KCNN2: variants seen among roughly 807,000 people sequenced by gnomAD.
KCNN2 encodes small conductance calcium-activated potassium channel protein 2.
A neutral mutation model predicts 55.5 loss-of-function variants in KCNN2; 24 were observed. That is an observed-to-expected ratio of 0.43 (90% CI 0.31 to 0.61). The LOEUF (loss-of-function observed/expected upper bound fraction) is 0.61. Ranked by LOEUF, KCNN2 falls within the 20% of genes least tolerant of loss-of-function variation. The pLI, the probability that KCNN2 is intolerant of heterozygous loss-of-function variation, is 0.08. For synonymous variants in KCNN2, 431 were observed against 336.1 expected (o/e 1.28, Z -3.09); for missense variants, 754 against 853.6 (o/e 0.88, Z 1.45).
chr5:114,380,165 A>G (rs1203000530), intron 2 of KCNN2, among the ~76,000 whole-genome samples: 1 of 152,156 alleles, frequency 6.6e-6, no homozygotes, highest in Non-Finnish European at 1.5e-5. Context: ...TCAATAAACA[A>G]CATGCAGCCT....
intron 3 of KCNN2, among the ~76,000 whole-genome samples, chr5:114,455,145 CTT>C (rs1354122083): frequency 6.6e-6 from 1 of 152,106 alleles, no homozygotes; most frequent in African/African-American, 2.4e-5. Context: ...TTGTGCTTCA[CTT>C]TATTGTGTTT....
intron 1 of KCNN2, among the ~76,000 whole-genome samples, chr5:114,153,668 C>T (rs1029200395): frequency 1.1e-4 from 16 of 152,188 alleles, no homozygotes; most frequent in Non-Finnish European, 1.8e-4. Flanking sequence ...TAGTAAGCAG[C>T]CATCCTTATC....
intron 2 of KCNN2, among the ~76,000 whole-genome samples, chr5:114,291,747 AT>A (rs1755893963): frequency 1.3e-5 from 2 of 152,184 alleles, no homozygotes; most frequent in Admixed American, 1.3e-4. Context: ...CTAGTTCTAG[AT>A]CCCTGAGGAA....
In KCNN2 at chr5:114,329,220, C is replaced by T. The variant is rs76972610; in HGVS notation, c.-184-31725C>T. 2.7e-3 allele frequency among the ~76,000 whole-genome samples: 409 copies of T among 152,258 alleles called. 1 individual carries two copies. The highest frequency in any genetic ancestry group is 3.6e-3 in the Non-Finnish European group (246 of 68,036). ...GCTCCCAGCCCCTTGCCAAGTCCAGCGTGATGGTTAATATTGAGTGTCAAC... is the reference window on the plus strand; with the variant it reads ...GCTCCCAGCCCCTTGCCAAGTCCAGTGTGATGGTTAATATTGAGTGTCAAC... On this transcript the variant is annotated intron_variant, in intron 2 of 10. Coordinates refer to the KCNN2 transcript ENST00000512097.
chr5:114,244,177 C>T (rs4505939), intron 2 of KCNN2, among the ~76,000 whole-genome samples: 121,903 of 152,098 alleles, frequency 0.8, 49,141 homozygotes, highest in East Asian at 0.89. Context: ...AATTCTAGAA[C>T]TTTCTGAAAA....
chr5:114,304,044 A>G (rs951670331), intron 2 of KCNN2, among the ~76,000 whole-genome samples: 2 of 152,196 alleles, frequency 1.3e-5, no homozygotes, highest in African/African-American at 2.4e-5. Flanking sequence ...TATTTTGAAT[A>G]AAATTACTTA....
intron 6 of KCNN2, among the ~76,000 whole-genome samples, chr5:114,491,387 G>T (rs1474830675): frequency 2.0e-5 from 3 of 151,826 alleles, no homozygotes; most frequent in Admixed American, 1.3e-4. Flanking sequence ...TTATACAAAT[G>T]GATTAAAAAA....
intron 2 of KCNN2, among the ~76,000 whole-genome samples, chr5:114,372,393 C>G (rs961701334): frequency 1.3e-5 from 2 of 152,090 alleles, no homozygotes; most frequent in African/African-American, 4.8e-5. Context: ...TCACATTTCT[C>G]TAGTTTGTGT....
chr5:114,056,203 G>C, exon 1 of KCNN2: 1 of 394,286 alleles, frequency 2.5e-6, no homozygotes, highest in Admixed American at 4.4e-5. Flanking sequence ...GGCCTGGCTC[G>C]CCCGCGCCCG....
intron 2 of KCNN2, among the ~76,000 whole-genome samples, chr5:114,391,173 T>TCTAGATCTGTCTTTC: frequency 6.6e-6 from 1 of 152,128 alleles, no homozygotes. Flanking sequence ...CTGACATTGC[T>TCTAGATCTGTCTTTC]CTAGATCTGT....
intron 2 of KCNN2, among the ~76,000 whole-genome samples, chr5:114,227,533 T>C (rs13186908): frequency 0.39 from 59,673 of 152,010 alleles, 12,312 homozygotes; most frequent in Middle Eastern, 0.53. Flanking sequence ...ATAAATTCCT[T>C]GAAGACAGAG....
chr5:114,491,448 T>C (rs948464850), intron 6 of KCNN2, among the ~76,000 whole-genome samples: 1 of 149,030 alleles, frequency 6.7e-6, no homozygotes, highest in Non-Finnish European at 1.5e-5. Flanking sequence ...GAAACACCGA[T>C]ATTGAATTCT....
At chr5:114,442,594 A>G (rs1407302277) in intron 3 of KCNN2, among the ~76,000 whole-genome samples, 1 of 152,114 alleles carries the variant, frequency 6.6e-6, no homozygotes, top group Non-Finnish European at 1.5e-5. Context: ...ATCTCTATGA[A>G]TACCTCCTTT....
intron 2 of KCNN2, among the ~76,000 whole-genome samples, chr5:114,226,762 A>T (rs1202031734): frequency 3.9e-5 from 6 of 151,964 alleles, no homozygotes. Context: ...TCAACCGGGC[A>T]TGGTGGCGGG....
intron 1 of KCNN2, among the ~76,000 whole-genome samples, chr5:114,161,764 G>A (rs535613808): frequency 5.9e-5 from 9 of 151,878 alleles, no homozygotes; most frequent in South Asian, 4.2e-4. Context: ...GTCTTCCATC[G>A]CCTATACCCT....
intron 4 of KCNN2, among the ~76,000 whole-genome samples, chr5:114,467,400 A>G (rs1346375452): frequency 1.3e-5 from 2 of 152,206 alleles, no homozygotes; most frequent in African/African-American, 4.8e-5. Context: ...AGAATGTGCA[A>G]AACACTCAAG....
At chr5:114,369,717 C>A (rs1260464536) in intron 2 of KCNN2, among the ~76,000 whole-genome samples, 1 of 152,094 alleles carries the variant, frequency 6.6e-6, no homozygotes. Context: ...TAATTTTCTC[C>A]GCCTGCTTGT....
At position 114,472,467 on chromosome 5, in the gene KCNN2, C is replaced by T. The variant is rs567142833; in HGVS notation, c.1780-587C>T. Among the ~76,000 whole-genome samples the T allele has an allele frequency of 6.6e-5, 10 of 152,232 alleles. No individual in the cohort carries two copies. In the South Asian group the frequency reaches 2.1e-3, roughly 32 times the overall value. ...AAATGGTATAATGGTTACCCCTTAC[C>T]TTCAGTACTTCATCTATCTCTGTTG... On this transcript the variant is annotated intron_variant, in intron 4 of 7. Transcript: ENST00000673685.
At chr5:114,322,605 A>ACACG (rs3985029) in intron 2 of KCNN2, among the ~76,000 whole-genome samples, 1 of 151,336 alleles carries the variant, frequency 6.6e-6, no homozygotes, top group African/African-American at 2.4e-5. Flanking sequence ...ACACACACAC[A>ACACG]TACACACTTG....
Sources: gnomAD v4.1 joint callset for allele counts (sites outside exome capture counted in the v4.1 genomes callset) on GRCh38, gnomAD v4.1.1 for gene constraint, MANE v1.5 for transcripts, NCBI Gene and HGNC (gene_info 2026-07-23, HGNC 2026-07-21) for gene names.